MYH14: variants seen among roughly 807,000 people sequenced by gnomAD.
MYH14 encodes the protein myosin-14.
MYH14 carries 123 observed loss-of-function variants against 255.5 expected under a neutral mutation model. The observed-to-expected ratio is 0.48, with a 90% confidence interval of 0.42 to 0.56. MYH14 has a LOEUF of 0.56. Ranked by LOEUF, MYH14 falls within the 20% of genes least tolerant of loss-of-function variation. The pLI is 0.00. For missense variants in MYH14, 2,423 were observed against 2,802.3 expected (o/e 0.86, Z 3.06); for synonymous variants, 1,095 against 1,161.2 (o/e 0.94, Z 1.16).
intron 39 of MYH14, among the ~76,000 whole-genome samples, chr19:50,295,026 T>TAAAAAAA (rs373838791): frequency 0.06 from 8,545 of 141,808 alleles, 329 homozygotes; most frequent in South Asian, 0.16. Flanking sequence ...TTTTTTTTTT[T>TAAAAAAA]AAAAACAGGC....
Position 50,292,250 on chromosome 19 carries a change from G to A in MYH14, c.5128-11G>A, listed in dbSNP as rs774151356. 79 of 1,599,610 alleles carry A rather than the reference G, an allele frequency of 4.9e-5. No individual in the cohort carries two copies. Among genetic ancestry groups the A allele is most frequent in the African/African-American group, 6.7e-5 (5 of 74,690 alleles). ...CAGGCTGAGCCCATCTACCTATTCC[G>A]TTCCACCCAGGCCCAGATGAAGGAG... On this transcript the variant is annotated splice_polypyrimidine_tract_variant and intron_variant, in intron 36 of 42. Transcript: ENST00000642316.
chr19:50,222,728 A>G (rs1359901088), intron 3 of MYH14, among the ~76,000 whole-genome samples: 1 of 152,092 alleles, frequency 6.6e-6, no homozygotes, highest in African/African-American at 2.4e-5. Flanking sequence ...CTTATATTAC[A>G]GGACCTCGCT....
chr19:50,224,016 C>G, intron 5 of MYH14, 138 bp from the exon 6 acceptor site: 1 of 758,726 alleles, frequency 1.3e-6, no homozygotes, highest in Admixed American at 2.0e-5. Flanking sequence ...GGCCACCCTA[C>G]TCCACATGCC....
intron 12 of MYH14, 139 bp from the exon 13 acceptor site, chr19:50,248,848 T>A: frequency 1.3e-6 from 1 of 756,754 alleles, no homozygotes; most frequent in Non-Finnish European, 2.2e-6. Flanking sequence ...ATGGCATTGT[T>A]CTTGATGGTA....
chr19:50,308,096 T>A (rs1351439575), intron 41 of MYH14, among the ~76,000 whole-genome samples: 1 of 152,052 alleles, frequency 6.6e-6, no homozygotes, highest in Admixed American at 6.6e-5. Flanking sequence ...ACACAGAGGA[T>A]TGGGGAATCC....
chr19:50,279,190 T>C (rs189382033), intron 30 of MYH14, among the ~76,000 whole-genome samples: 3 of 152,282 alleles, frequency 2.0e-5, no homozygotes, highest in Non-Finnish European at 2.9e-5. Flanking sequence ...TTTCTGTCTT[T>C]ACTGATCTCC....
intron 1 of MYH14, among the ~76,000 whole-genome samples, chr19:50,207,950 A>AT (rs796412470): frequency 6.7e-4 from 102 of 152,074 alleles, no homozygotes; most frequent in East Asian, 2.3e-3. Context: ...GTCTGGAATG[A>AT]TTTTTCTCCC....
chr19:50,228,317 C>T (rs1568477758), intron 8 of MYH14, among the ~76,000 whole-genome samples: 1 of 151,826 alleles, frequency 6.6e-6, no homozygotes, highest in Non-Finnish European at 1.5e-5. Flanking sequence ...TTAGCAATAT[C>T]TGTATCAATG....
At position 50,310,149 on chromosome 19, in the gene MYH14, C is replaced by G; in HGVS notation, c.*359C>G. On this transcript the variant is annotated 3_prime_UTR_variant, in exon 43 of 43. Transcript: ENST00000642316. ...AGACGGCTCCTCCACCATCCTCAGC[C>G]AGTGCAACCCATTCCCTCTGCTTCT... The G allele has an allele frequency of 3.0e-6, 1 of 336,660 alleles. No individual in the cohort carries two copies. The allele number at this position is 336,660 out of a possible 1,614,324, so 20.9% of individuals were successfully genotyped here.
chr19:50,257,812 TA>T (rs1395873549), intron 18 of MYH14, among the ~76,000 whole-genome samples: 2 of 152,116 alleles, frequency 1.3e-5, no homozygotes, highest in Non-Finnish European at 2.9e-5. Flanking sequence ...AACGTCCAGT[TA>T]AATCTGTAGG....
At chr19:50,288,636 A>G (rs980134118) in intron 34 of MYH14, among the ~76,000 whole-genome samples, 4 of 152,214 alleles carry the variant, frequency 2.6e-5, no homozygotes, top group African/African-American at 9.7e-5. Context: ...TGTAATGAAC[A>G]TCATGTGGGC....
Position 50,280,168 on chromosome 19 carries a change from C to T in MYH14, c.4137+27C>T, listed in dbSNP as rs776778124. The T allele has an allele frequency of 6.4e-7, 1 of 1,566,908 alleles. No homozygotes were observed. Among genetic ancestry groups the T allele is most frequent in the South Asian group, 1.2e-5 (1 of 85,156 alleles). On this transcript the variant is annotated intron_variant, in intron 31 of 42. Transcript: ENST00000642316. The surrounding 1 kb of genome is among the most constrained non-coding windows in gnomAD (Gnocchi z 4.8). ...TGACCCTGCCTGCCCTTCGGCTCCA[C>T]CGTCACCCTCCCCTCCTTGTCCTCC...
intron 22 of MYH14, among the ~76,000 whole-genome samples, chr19:50,265,869 G>A (rs546502143): frequency 1.7e-4 from 26 of 152,008 alleles, no homozygotes; most frequent in African/African-American, 4.3e-4. Context: ...ATAAAAAACA[G>A]CCAGGGTGGC....
chr19:50,291,593 A>C (rs187422496), intron 36 of MYH14, among the ~76,000 whole-genome samples: 115 of 152,322 alleles, frequency 7.5e-4, no homozygotes, highest in African/African-American at 2.7e-3. Context: ...GGCCAGACAC[A>C]GTGGCTCACA....
At chr19:50,243,066 C>G (rs1198453409) in intron 10 of MYH14, among the ~76,000 whole-genome samples, 2 of 152,074 alleles carry the variant, frequency 1.3e-5, no homozygotes, top group African/African-American at 2.4e-5. Flanking sequence ...AGTTACGGTG[C>G]TGTTGGCCTC....
Position 50,261,720 on chromosome 19 carries a change from C to T in MYH14, c.2585+85C>T. ...GACCAGATGGCTCTAGGTGTCAGGG[C>T]CTCCAGGATGGGTGCAGGGCTGAGG... On this transcript the variant is annotated intron_variant, in intron 21 of 42. Coordinates refer to ENST00000642316, the MANE Select transcript of MYH14 (RefSeq NM_001145809.2). 4.6e-6 allele frequency: 6 copies of T among 1,317,964 alleles called. No homozygotes were observed. In the South Asian group the frequency reaches 9.3e-5, roughly 20 times the overall value. The allele number at this position is 1,317,964 out of a possible 1,614,324, so 81.6% of individuals were successfully genotyped here.
At chr19:50,292,123 G>A in intron 36 of MYH14, 138 bp from the exon 37 acceptor site, 1 of 822,490 alleles carries the variant, frequency 1.2e-6, no homozygotes, top group Non-Finnish European at 1.8e-6. Context: ...ATACACAGGA[G>A]CCCAGGTCTG....
chr19:50,263,277 C>T lies in MYH14; in HGVS notation c.2586-35C>T, dbSNP rs762995480. ...TTGCTAAGGGGATGGCGCCTGGAGG[C>T]TCCCACTCTGCCCCTCACCCATTTC... On this transcript the variant is annotated intron_variant, in intron 21 of 42. Transcript: ENST00000642316. The T allele has an allele frequency of 9.4e-6, 13 of 1,382,100 alleles. No individual in the cohort carries two copies. In the South Asian group the frequency reaches 1.6e-4, roughly 17 times the overall value. The allele number at this position is 1,382,100 out of a possible 1,614,324, so 85.6% of individuals were successfully genotyped here.
chr19:50,243,397 C>T (rs1485781070), intron 10 of MYH14, among the ~76,000 whole-genome samples: 1 of 151,964 alleles, frequency 6.6e-6, no homozygotes, highest in Non-Finnish European at 1.5e-5. Context: ...TATGGCACCA[C>T]TGCACTCCAG....
Sources: gnomAD v4.1 joint callset for allele counts (sites outside exome capture counted in the v4.1 genomes callset) on GRCh38, gnomAD v4.1.1 for gene constraint, Gnocchi (gnomAD v3.1) non-coding constraint, MANE v1.5 for transcripts, NCBI Gene and HGNC (gene_info 2026-07-23, HGNC 2026-07-21) for gene names.